Variants in ATRN observed in about 807,000 individuals in gnomAD.
ATRN encodes the protein attractin-2.
Under a neutral mutation model 178.7 loss-of-function variants are expected in ATRN, and 54 were observed. That is an observed-to-expected ratio of 0.30 (90% CI 0.24 to 0.38). The LOEUF (loss-of-function observed/expected upper bound fraction) is 0.38. ATRN is among the 10% of genes least tolerant of loss of function. The probability of loss-of-function intolerance (pLI) is 1.00; values close to 1 mark genes in which losing one functional copy is unlikely to be tolerated. For synonymous variants in ATRN, 636 were observed against 663.0 expected (o/e 0.96, Z 0.63); for missense variants, 1,443 against 1,815.1 (o/e 0.79, Z 3.73).
At chr20:3,549,431 C>A in intron 6 of ATRN, 93 bp downstream of exon 6, 1 of 1,102,440 alleles carries the variant, frequency 9.1e-7, no homozygotes, top group Non-Finnish European at 1.2e-6. Context: ...ACCAGTCATT[C>A]TACTACCTAA....
chr20:3,524,051 G>T (rs1340563582), intron 1 of ATRN, among the ~76,000 whole-genome samples: 1 of 152,054 alleles, frequency 6.6e-6, no homozygotes, highest in Admixed American at 6.6e-5. Context: ...GACAAGATCA[G>T]ATTCACACAT....
intron 22 of ATRN, among the ~76,000 whole-genome samples, 153 bp downstream of exon 22, chr20:3,598,153 C>T (rs2086557589): frequency 1.3e-5 from 2 of 152,194 alleles, no homozygotes; most frequent in Admixed American, 6.5e-5. Context: ...TTAGACTCTA[C>T]GTTATCTCCT....
chr20:3,610,842 C>T (rs1417089919), intron 24 of ATRN, among the ~76,000 whole-genome samples: 2 of 150,220 alleles, frequency 1.3e-5, no homozygotes, highest in Admixed American at 6.6e-5. Context: ...GTGATCCTCC[C>T]GCCTTGGTCT....
At chr20:3,566,615 G>A (rs1231966213) in intron 11 of ATRN, among the ~76,000 whole-genome samples, 1 of 152,030 alleles carries the variant, frequency 6.6e-6, no homozygotes, top group Non-Finnish European at 1.5e-5. Context: ...GATTAGGAAA[G>A]ATGAGAGGCC....
intron 24 of ATRN, among the ~76,000 whole-genome samples, chr20:3,606,406 T>C: frequency 6.7e-6 from 1 of 148,590 alleles, no homozygotes; most frequent in East Asian, 2.0e-4. Context: ...TGGGCTTGTC[T>C]AGGATTCAGA....
At chr20:3,620,033 C>G (rs1284613610) in intron 24 of ATRN, among the ~76,000 whole-genome samples, 1 of 152,150 alleles carries the variant, frequency 6.6e-6, no homozygotes, top group African/African-American at 2.4e-5. Flanking sequence ...GGCCCTGCCT[C>G]TCCTTTTGTT....
In ATRN at chr20:3,648,311, T is replaced by G. The variant is rs1205027334; in HGVS notation, c.*1464T>G. On this transcript the variant is annotated 3_prime_UTR_variant, in exon 29 of 29. Transcript: ENST00000262919. ...CTGCCAAATGGAAAATGACCAAATT[T>G]AAGAGGGTGGGACAGTCCCCTGCTC... is the stretch of plus-strand genomic sequence containing the variant. The G allele has an allele frequency of 1.3e-5, 2 of 152,510 alleles. No homozygotes were observed. Among genetic ancestry groups the G allele is most frequent in the Non-Finnish European group, 2.9e-5 (2 of 68,032 alleles). The allele number at this position is 152,510 out of a possible 1,614,324, so 9.4% of individuals were successfully genotyped here.
intron 12 of ATRN, among the ~76,000 whole-genome samples, chr20:3,574,964 T>TC (rs11480558): frequency 2.8e-3 from 11 of 3,956 alleles, no homozygotes; most frequent in East Asian, 0.12. Flanking sequence ...AGCTTCTCTC[T>TC]TTTTTTTTTT....
chr20:3,519,019 AAG>A (rs1213604050), intron 1 of ATRN, among the ~76,000 whole-genome samples: 7 of 140,552 alleles, frequency 5.0e-5, no homozygotes, highest in African/African-American at 7.5e-5. Flanking sequence ...AAAAAAAAAA[AAG>A]AAAGAAAACT....
chr20:3,543,727 GAA>G (rs138671464), intron 3 of ATRN, among the ~76,000 whole-genome samples: 42 of 134,812 alleles, frequency 3.1e-4, no homozygotes, highest in African/African-American at 5.4e-4. Context: ...TCGGTCTCAA[GAA>G]AAAAAAAAAA....
At chr20:3,600,087 T>C (rs901023037) in intron 22 of ATRN, among the ~76,000 whole-genome samples, 5 of 152,216 alleles carry the variant, frequency 3.3e-5, no homozygotes, top group African/African-American at 1.2e-4. Context: ...ATTGATTAGT[T>C]TGCAAAAATA....
intron 1 of ATRN, chr20:3,491,041 G>T: frequency 9.2e-7 from 1 of 1,083,316 alleles, no homozygotes. Context: ...AAAATTTTAT[G>T]ATTAGTTGTT....
chr20:3,558,667 A>G (rs559789437), intron 6 of ATRN, among the ~76,000 whole-genome samples: 1 of 152,040 alleles, frequency 6.6e-6, no homozygotes, highest in African/African-American at 2.4e-5. Flanking sequence ...GGAATGTGGC[A>G]TCTTTTAAAA....
At chr20:3,617,702 T>C (rs1012431648) in intron 24 of ATRN, among the ~76,000 whole-genome samples, 2 of 151,910 alleles carry the variant, frequency 1.3e-5, no homozygotes, top group Admixed American at 1.3e-4. Context: ...ATACAGGTGG[T>C]AGAAGAAGAA....
chr20:3,591,923 A>G (rs922067236), intron 19 of ATRN, among the ~76,000 whole-genome samples: 4 of 152,196 alleles, frequency 2.6e-5, no homozygotes, highest in African/African-American at 9.7e-5. Context: ...GTGACCCGTG[A>G]GGTAGACCTG....
chr20:3,471,574 C>T lies in ATRN; in HGVS notation c.410+57C>T, dbSNP rs540996659. 157 of 1,359,464 alleles carry T rather than the reference C, an allele frequency of 1.2e-4. No individual in the cohort carries two copies. The South Asian group carries it at 2.5e-3, about 21-fold the overall frequency. The allele number at this position is 1,359,464 out of a possible 1,614,324, so 84.2% of individuals were successfully genotyped here. A position where few individuals can be genotyped will look rare whatever the true frequency, so the allele number is the denominator to read the frequency against. On this transcript the variant is annotated intron_variant, in intron 1 of 28. Coordinates refer to ENST00000262919, the MANE Select transcript of ATRN (RefSeq NM_139321.3). Reference sequence around the variant, plus strand: ...CCAACCAGAGGCTGGGGCTGAGGGGCGTTCGAGACGGCTCCAGGTCAGAGG... The same window carrying T: ...CCAACCAGAGGCTGGGGCTGAGGGGTGTTCGAGACGGCTCCAGGTCAGAGG...
At chr20:3,493,909 A>G (rs2084842208) in intron 1 of ATRN, among the ~76,000 whole-genome samples, 1 of 152,188 alleles carries the variant, frequency 6.6e-6, no homozygotes, top group Non-Finnish European at 1.5e-5. Flanking sequence ...ACTGTTATTT[A>G]TTAGGCAACA....
At chr20:3,478,803 G>A (rs540494000) in intron 1 of ATRN, among the ~76,000 whole-genome samples, 3 of 151,388 alleles carry the variant, frequency 2.0e-5, no homozygotes, top group Non-Finnish European at 2.9e-5. Flanking sequence ...TTTCTACTTC[G>A]TAGTTTTTCT....
At chr20:3,628,294 A>G (rs2086960611) in intron 25 of ATRN, among the ~76,000 whole-genome samples, 1 of 152,152 alleles carries the variant, frequency 6.6e-6, no homozygotes, top group Non-Finnish European at 1.5e-5. Context: ...AAACTTCTGG[A>G]ACACTGATAA....
Sources: allele counts gnomAD v4.1 joint callset (sites outside exome capture counted in the v4.1 genomes callset), GRCh38; gene constraint gnomAD v4.1.1; transcripts MANE v1.5; gene names NCBI Gene and HGNC (gene_info 2026-07-23, HGNC 2026-07-21).